Variants in SDK1 observed in about 807,000 individuals in gnomAD.
SDK1 encodes sidekick cell adhesion molecule 1, also known as protein sidekick-1.
Under a neutral mutation model 245.5 loss-of-function variants are expected in SDK1, and 157 were observed. That is an observed-to-expected ratio of 0.64 (90% confidence interval 0.56 to 0.73). SDK1 has a LOEUF of 0.73. Ranked by LOEUF, SDK1 falls within the 30% of genes least tolerant of loss-of-function variation. The pLI is 0.00. For synonymous variants in SDK1, 1,647 were observed against 1,278.5 expected, an observed-to-expected ratio of 1.29 and a Z score of -6.15; for missense variants, 3,583 against 3,002.3, an observed-to-expected ratio of 1.19 and a Z score of -4.52.
chr7:3,459,635 G>A (rs1780775061), intron 1 of SDK1, among the ~76,000 whole-genome samples: 1 of 152,208 alleles, frequency 6.6e-6, no homozygotes, highest in Non-Finnish European at 1.5e-5. Flanking sequence ...AATCAGGGAA[G>A]AAAATGCTTT....
intron 5 of SDK1, among the ~76,000 whole-genome samples, chr7:3,852,606 C>G (rs1201122988): frequency 5.3e-5 from 8 of 151,336 alleles, no homozygotes; most frequent in Non-Finnish European, 8.8e-5. Context: ...AAAAAATTAG[C>G]CGGGCTTGGT....
intron 1 of SDK1, among the ~76,000 whole-genome samples, chr7:3,581,450 C>T (rs756973379): frequency 2.0e-5 from 3 of 152,110 alleles, no homozygotes; most frequent in East Asian, 3.9e-4. Flanking sequence ...CAATGAGATG[C>T]CATCTCACAT....
intron 1 of SDK1, among the ~76,000 whole-genome samples, chr7:3,607,308 C>G (rs1781455027): frequency 6.6e-6 from 1 of 152,186 alleles, no homozygotes; most frequent in Non-Finnish European, 1.5e-5. Context: ...TAAATCACTA[C>G]AACTTCTGTG....
At chr7:3,403,836 TATATATATA>T (rs1188198723) in intron 1 of SDK1, among the ~76,000 whole-genome samples, 2 of 63,770 alleles carry the variant, frequency 3.1e-5, no homozygotes, top group African/African-American at 1.4e-4. Flanking sequence ...TATATATATA[TATATATATA>T]TATATATATA....
intron 1 of SDK1, among the ~76,000 whole-genome samples, chr7:3,578,502 C>G (rs769368008): frequency 1.3e-5 from 2 of 152,030 alleles, no homozygotes; most frequent in African/African-American, 2.4e-5. Flanking sequence ...CTCAAATTTA[C>G]TAGTACAGGG....
intron 4 of SDK1, among the ~76,000 whole-genome samples, chr7:3,649,803 C>T (rs1279613969): frequency 6.6e-6 from 1 of 152,014 alleles, no homozygotes; most frequent in Non-Finnish European, 1.5e-5. Flanking sequence ...GCTGTTCTCC[C>T]AGGTTAATGT....
At chr7:3,685,780 A>G (rs1435799431) in intron 4 of SDK1, among the ~76,000 whole-genome samples, 6 of 152,200 alleles carry the variant, frequency 3.9e-5, no homozygotes, top group Non-Finnish European at 5.9e-5. Context: ...TGAGATACAG[A>G]AAAACGTTAG....
chr7:3,833,995 A>G (rs895784804), intron 5 of SDK1, among the ~76,000 whole-genome samples: 3 of 152,200 alleles, frequency 2.0e-5, no homozygotes, highest in Admixed American at 2.0e-4. Flanking sequence ...CAGATTTTGA[A>G]TATCATCTCA....
chr7:4,068,725 T>C (rs1780057619), intron 20 of SDK1, among the ~76,000 whole-genome samples: 1 of 151,794 alleles, frequency 6.6e-6, no homozygotes, highest in Admixed American at 6.6e-5. Flanking sequence ...TTTATTTATT[T>C]ATTTATTTAT....
chr7:3,963,570 T>G (rs1457927527), intron 9 of SDK1, among the ~76,000 whole-genome samples: 2 of 66,078 alleles, frequency 3.0e-5, no homozygotes, highest in East Asian at 4.4e-4. Flanking sequence ...GTGAGTACAT[T>G]CAGCCCCATG....
chr7:4,077,139 T>G lies in SDK1; in HGVS notation c.3152T>G (p.Val1051Gly). 1 of 1,614,230 alleles carries G rather than the reference T, an allele frequency of 6.2e-7. No homozygotes were observed. The highest frequency in any genetic ancestry group is 1.1e-5 in the South Asian group (1 of 91,084). Residue 1051 changes from valine (V) to glycine (G), a missense_variant, in exon 21 of 45, where the codon GTG (valine) becomes GGG (glycine). Val to Gly is a moderately radical substitution (Grantham distance 109). Coordinates refer to ENST00000404826, the MANE Select transcript of SDK1 (RefSeq NM_152744.4). ...ATCGACGTGGCCGCTGTGACTGCCG[T>G]GGGCACTGGCCTGGTGACTTCATCC... ...YTIDVAAVTA[V>G]GTGLVTSSTI...
chr7:3,630,508 T>C (rs1782257678), intron 2 of SDK1, among the ~76,000 whole-genome samples: 1 of 152,176 alleles, frequency 6.6e-6, no homozygotes, highest in African/African-American at 2.4e-5. Context: ...TGGTGGTGCA[T>C]GCCTATAATC....
Position 3,954,572 on chromosome 7 carries a change from G to A in SDK1, c.1150+2652G>A, listed in dbSNP as rs371850478. On this transcript the variant is annotated intron_variant, in intron 7 of 44. Transcript: ENST00000404826. Reference sequence around the variant, plus strand: ...CCTCCCCTCAACACCCTCCCTTCCCGCCTCCCCTCTATACTCTCCGCCCTC... The same window carrying A: ...CCTCCCCTCAACACCCTCCCTTCCCACCTCCCCTCTATACTCTCCGCCCTC... Among the ~76,000 whole-genome samples the A allele has an allele frequency of 3.1e-4, 9 of 29,260 alleles. 1 individual carries two copies. The East Asian group carries it at 5.5e-3, about 18-fold the overall frequency. The allele number at this position is 29,260 out of a possible 152,430, so 19.2% of individuals were successfully genotyped here.
chr7:3,969,355 G>A lies in SDK1; in HGVS notation c.1645G>A (p.Gly549Ser), dbSNP rs781607266. 37 of 1,611,182 alleles carry A rather than the reference G, an allele frequency of 2.3e-5. No homozygotes were observed. Among genetic ancestry groups the A allele is most frequent in the Non-Finnish European group, 3.1e-5 (36 of 1,178,876 alleles). Residue 549 changes from glycine (G) to serine (S), a missense_variant, in exon 11 of 45, where the codon GGC becomes AGC. Transcript: ENST00000404826. ...CGCGCCCGTCTTCATCCAGGATGCC[G>A]GCAACTACACCTGCTATGCGGCCAA... ...QIAPVFIQDA[G>S]NYTCYAANTE...
intron 1 of SDK1, among the ~76,000 whole-genome samples, chr7:3,438,160 G>A (rs1307752068): frequency 1.3e-5 from 2 of 152,036 alleles, no homozygotes; most frequent in Non-Finnish European, 2.9e-5. Context: ...TGCATTGCAT[G>A]GTCTTTTTGT....
chr7:3,569,318 T>C (rs1380923230), intron 1 of SDK1, among the ~76,000 whole-genome samples: 1 of 152,202 alleles, frequency 6.6e-6, no homozygotes, highest in East Asian at 1.9e-4. Context: ...GGACCGTGCA[T>C]GATTTGAGTG....
At chr7:3,916,898 T>C (rs1240364353) in intron 5 of SDK1, among the ~76,000 whole-genome samples, 1 of 152,174 alleles carries the variant, frequency 6.6e-6, no homozygotes, top group Non-Finnish European at 1.5e-5. Flanking sequence ...CTTTAGCTTA[T>C]ATAGCAATTC....
intron 9 of SDK1, 24 bp from the exon 10 acceptor site, chr7:3,967,293 TC>T (rs1379298698): frequency 1.9e-6 from 3 of 1,572,640 alleles, no homozygotes; most frequent in South Asian, 2.2e-5. Context: ...AAGGCCCTGA[TC>T]ATTTCATTTA....
At chr7:3,960,556 A>G (rs1327264179) in intron 8 of SDK1, among the ~76,000 whole-genome samples, 2 of 152,118 alleles carry the variant, frequency 1.3e-5, no homozygotes, top group African/African-American at 4.8e-5. Flanking sequence ...CTGGTGGTAG[A>G]GGGAAAGATC....
Sources: gnomAD v4.1 joint callset for allele counts (sites outside exome capture counted in the v4.1 genomes callset) on GRCh38, gnomAD v4.1.1 for gene constraint, MANE v1.5 for transcripts, NCBI Gene and HGNC (gene_info 2026-07-23, HGNC 2026-07-21) for gene names.